SLC24A3: variants seen among roughly 807,000 people sequenced by gnomAD.
SLC24A3 encodes sodium/potassium/calcium exchanger 3.
In SLC24A3, 28 loss-of-function variants were observed where a neutral mutation model predicts 75.8. The ratio of observed to expected loss-of-function variants is 0.37; its 90% CI spans 0.27 to 0.51. The LOEUF is 0.51. Ranked by LOEUF, SLC24A3 falls within the 20% of genes least tolerant of loss-of-function variation. The pLI, the probability that SLC24A3 is intolerant of heterozygous loss-of-function variation, is 0.94. For missense variants in SLC24A3, 663 were observed against 847.8 expected (o/e 0.78, Z 2.71); for synonymous variants, 372 against 334.1 (o/e 1.11, Z -1.24).
At chr20:19,720,818 C>T (rs1046897222) in intron 16 of SLC24A3, among the ~76,000 whole-genome samples, 173 bp from the exon 17 acceptor site, 5 of 152,110 alleles carry the variant, frequency 3.3e-5, no homozygotes, top group Admixed American at 6.5e-5. Flanking sequence ...TTGATGTTCT[C>T]ACCTCCCACA....
At chr20:19,564,469 CCAT>C (rs1283336678) in intron 3 of SLC24A3, among the ~76,000 whole-genome samples, 1 of 152,120 alleles carries the variant, frequency 6.6e-6, no homozygotes, top group Non-Finnish European at 1.5e-5. Context: ...CTTGTCTCCA[CCAT>C]CATCATATCA....
chr20:19,586,844 A>G lies in SLC24A3; in HGVS notation c.612+1300A>G, dbSNP rs561694138. On this transcript the variant is annotated intron_variant, in intron 6 of 16. Transcript: ENST00000328041. ...AGTACATGGTGACTGAGCTCTGCTC[A>G]GCTCCTTAGACTGAATGATTTCCCT... Among the ~76,000 whole-genome samples the G allele has an allele frequency of 6.6e-5, 10 of 152,340 alleles. No individual in the cohort carries two copies. In the East Asian group the frequency reaches 7.7e-4, roughly 12 times the overall value.
At chr20:19,577,604 A>G (rs937172432) in intron 3 of SLC24A3, among the ~76,000 whole-genome samples, 1 of 152,240 alleles carries the variant, frequency 6.6e-6, no homozygotes, top group Non-Finnish European at 1.5e-5. Context: ...AGATAGAGTC[A>G]CACCAACTGA....
chr20:19,542,596 AAAGAG>A (rs1178511577), intron 3 of SLC24A3, among the ~76,000 whole-genome samples: 4 of 152,190 alleles, frequency 2.6e-5, no homozygotes, highest in Non-Finnish European at 5.9e-5. Context: ...TCCCAAAATG[AAAGAG>A]AAATGTTTCA....
chr20:19,693,273 A>G lies in SLC24A3; in HGVS notation c.1339A>G (p.Thr447Ala), dbSNP rs916024498. Residue 447 changes from threonine (T) to alanine (A), a missense_variant, in exon 13 of 17, where the codon ACA becomes GCA. By Grantham distance (58) the Thr-to-Ala change is moderately conservative. Around this residue, in one of 2 missense-constraint regions of SLC24A3, gnomAD observed 510 missense variants for 703.6 expected, o/e 0.72. Transcript: ENST00000328041. ...CATTTTTCCAGCGGGTAAACTGGAA[A>G]CAGTGAAATGGGCGTTCACCTGGCC... ...PFDTPSGKLE[T>A]VKWAFTWPLS... is the part of the protein sequence containing the mutation. 3 of 1,611,566 alleles carry G rather than the reference A, an allele frequency of 1.9e-6. No individual in the cohort carries two copies. Among genetic ancestry groups the G allele is most frequent in the Non-Finnish European group, 2.5e-6 (3 of 1,178,980 alleles).
intron 2 of SLC24A3, among the ~76,000 whole-genome samples, chr20:19,383,035 C>A (rs908852425): frequency 2.0e-5 from 3 of 152,136 alleles, no homozygotes; most frequent in Admixed American, 2.0e-4. Context: ...AAAGTGATTC[C>A]AGTCTGATTC....
At chr20:19,502,731 TA>T (rs1440970731) in intron 2 of SLC24A3, among the ~76,000 whole-genome samples, 3 of 151,330 alleles carry the variant, frequency 2.0e-5, no homozygotes, top group South Asian at 2.1e-4. Context: ...AAATATATAA[TA>T]AAAAAAATTA....
intron 4 of SLC24A3, among the ~76,000 whole-genome samples, chr20:19,581,794 G>A (rs1349632756): frequency 6.6e-6 from 1 of 152,162 alleles, no homozygotes. Flanking sequence ...TGATTTCCAA[G>A]TCTTCAGGCT....
intron 3 of SLC24A3, among the ~76,000 whole-genome samples, chr20:19,524,269 T>G (rs2030156698): frequency 6.6e-6 from 1 of 152,182 alleles, no homozygotes; most frequent in African/African-American, 2.4e-5. Context: ...CCTCCATAGA[T>G]GTCACCTACC....
chr20:19,426,710 G>A lies in SLC24A3; in HGVS notation c.272-88778G>A, dbSNP rs55852924. On this transcript the variant is annotated intron_variant, in intron 2 of 16. Transcript: ENST00000328041. ...ATGTTGCCACATTCCACTCACTACCGGCTGTACCATTTGAGTTTGTATTGG... is the reference window on the plus strand; with the variant it reads ...ATGTTGCCACATTCCACTCACTACCAGCTGTACCATTTGAGTTTGTATTGG... Among the ~76,000 whole-genome samples, 389 of 152,254 alleles carry A rather than the reference G, an allele frequency of 2.6e-3. 1 individual carries two copies. Among genetic ancestry groups the A allele is most frequent in the African/African-American group, 9.1e-3 (378 of 41,550 alleles).
chr20:19,542,573 A>G (rs1048546979), intron 3 of SLC24A3, among the ~76,000 whole-genome samples: 1 of 152,216 alleles, frequency 6.6e-6, no homozygotes, highest in Non-Finnish European at 1.5e-5. Flanking sequence ...GTCACCCCAG[A>G]ATGAGAGCTG....
chr20:19,577,367 A>C (rs1461311159), intron 3 of SLC24A3, among the ~76,000 whole-genome samples: 2 of 152,150 alleles, frequency 1.3e-5, no homozygotes, highest in Non-Finnish European at 2.9e-5. Flanking sequence ...CGACATTTTT[A>C]ATAAAAAGCC....
intron 6 of SLC24A3, among the ~76,000 whole-genome samples, chr20:19,630,278 A>G (rs1382672580): frequency 6.6e-6 from 1 of 152,238 alleles, no homozygotes; most frequent in Admixed American, 6.5e-5. Flanking sequence ...AACTTTGAAG[A>G]TATCTGTTTA....
chr20:19,274,772 C>T (rs997783309), intron 1 of SLC24A3, among the ~76,000 whole-genome samples: 1 of 152,202 alleles, frequency 6.6e-6, no homozygotes, highest in East Asian at 1.9e-4. Flanking sequence ...GCTGCTCACT[C>T]AAGTCTGCAG....
chr20:19,477,932 C>G (rs930237879), intron 2 of SLC24A3, among the ~76,000 whole-genome samples: 1 of 152,192 alleles, frequency 6.6e-6, no homozygotes, highest in African/African-American at 2.4e-5. Flanking sequence ...TCACAAAGGA[C>G]AGTCTATACT....
chr20:19,502,867 C>G (rs1244046204), intron 2 of SLC24A3, among the ~76,000 whole-genome samples: 40 of 79,348 alleles, frequency 5.0e-4, no homozygotes, highest in African/African-American at 1.9e-3. Context: ...CCTGTCTCTA[C>G]CAAAAAAAAA....
chr20:19,537,959 A>G (rs2030429538), intron 3 of SLC24A3, among the ~76,000 whole-genome samples: 1 of 151,948 alleles, frequency 6.6e-6, no homozygotes, highest in African/African-American at 2.4e-5. Context: ...GCACACCAAC[A>G]TGGCACATGT....
At chr20:19,687,532 C>T (rs1040547628) in intron 12 of SLC24A3, among the ~76,000 whole-genome samples, 3 of 152,198 alleles carry the variant, frequency 2.0e-5, no homozygotes, top group African/African-American at 2.4e-5. Flanking sequence ...ATTAGCTGGC[C>T]ATAACCAAGC....
At chr20:19,349,130 C>T (rs541444682) in intron 2 of SLC24A3, among the ~76,000 whole-genome samples, 11 of 152,224 alleles carry the variant, frequency 7.2e-5, no homozygotes, top group South Asian at 2.1e-4. Context: ...ATGCTTTTTC[C>T]AAGATACAAT....
Sources: gnomAD v4.1 joint callset for allele counts (sites outside exome capture counted in the v4.1 genomes callset) on GRCh38, gnomAD v4.1.1 for gene constraint, gnomAD v4.1.1 regional missense constraint, MANE v1.5 for transcripts, NCBI Gene and HGNC (gene_info 2026-07-23, HGNC 2026-07-21) for gene names.